The following FAM107B variants were observed in gnomAD, a reference collection of about 807,000 sequenced individuals.
FAM107B encodes the protein family with sequence similarity 107 member B.
Under a neutral mutation model 31.5 loss-of-function variants are expected in FAM107B, and 21 were observed. That is an observed-to-expected ratio of 0.67 (90% CI 0.47 to 0.96). The LOEUF (loss-of-function observed/expected upper bound fraction) is 0.96. Among genes scored for constraint, FAM107B ranks in the 40% least tolerant of loss-of-function variants. The probability of loss-of-function intolerance (pLI) is 0.00; values close to 1 mark genes in which losing one functional copy is unlikely to be tolerated. For missense variants in FAM107B, 452 were observed against 377.1 expected, an observed-to-expected ratio of 1.20 and a Z score of -1.64; for synonymous variants, 157 against 141.5, an observed-to-expected ratio of 1.11 and a Z score of -0.78.
At chr10:14,527,708 C>T (rs1484685424) in intron 3 of FAM107B, among the ~76,000 whole-genome samples, 1 of 152,168 alleles carries the variant, frequency 6.6e-6, no homozygotes, top group African/African-American at 2.4e-5. Flanking sequence ...TTATAAACTA[C>T]AGAAAAGCAA....
chr10:14,708,627 T>C (rs879555655), intron 1 of FAM107B, among the ~76,000 whole-genome samples: 20 of 152,042 alleles, frequency 1.3e-4, no homozygotes, highest in Non-Finnish European at 1.9e-4. Context: ...AAAAAAAAAT[T>C]GATAAGTTGG....
At chr10:14,640,935 G>A (rs1249798474) in intron 2 of FAM107B, among the ~76,000 whole-genome samples, 1 of 152,114 alleles carries the variant, frequency 6.6e-6, no homozygotes, top group Non-Finnish European at 1.5e-5. Context: ...TTTTAATCTA[G>A]ATTTAATTGT....
At chr10:14,772,445 G>A (rs764043605) in intron 1 of FAM107B, among the ~76,000 whole-genome samples, 1 of 151,770 alleles carries the variant, frequency 6.6e-6, no homozygotes, top group South Asian at 2.1e-4. Flanking sequence ...AAGGGCTAGC[G>A]AACTACAAGT....
In FAM107B at chr10:14,629,451, T is replaced by TATTTAATATATATAAC. The variant is rs1554842099; in HGVS notation, c.469+38182_469+38183insGTTATATATATTAAAT. 1.2e-3 allele frequency among the ~76,000 whole-genome samples: 96 copies of TATTTAATATATATAAC among 81,510 alleles called. 7 individuals are homozygous for TATTTAATATATATAAC. Among genetic ancestry groups the TATTTAATATATATAAC allele is most frequent in the South Asian group, 2.7e-3 (8 of 2,956 alleles). 53.5% of individuals were successfully genotyped at this position (81,510 alleles called of 152,430 possible). ...TAATATATATTATATATATATTATA[T>TATTTAATATATATAAC]ATATATTATATATATATTTAATATA... On this transcript the variant is annotated intron_variant, in intron 2 of 4. Coordinates refer to ENST00000181796, the MANE Select transcript of FAM107B (RefSeq NM_031453.4).
intron 1 of FAM107B, among the ~76,000 whole-genome samples, chr10:14,671,483 A>G (rs796663344): frequency 1.6e-4 from 24 of 152,132 alleles, no homozygotes; most frequent in African/African-American, 5.8e-4. Flanking sequence ...CCCTGATGCA[A>G]ATGGCACGAG....
At chr10:14,547,135 C>T (rs775727016) in intron 2 of FAM107B, among the ~76,000 whole-genome samples, 3 of 152,208 alleles carry the variant, frequency 2.0e-5, no homozygotes, top group African/African-American at 4.8e-5. Flanking sequence ...TCCCAGGGTT[C>T]TTCTGGGTAC....
At chr10:14,534,555 C>T (rs1847403071) in intron 2 of FAM107B, among the ~76,000 whole-genome samples, 1 of 152,160 alleles carries the variant, frequency 6.6e-6, no homozygotes, top group African/African-American at 2.4e-5. Context: ...GTTCTTGCTC[C>T]CCACATCCTC....
At chr10:14,725,114 T>C (rs1856000832) in intron 1 of FAM107B, among the ~76,000 whole-genome samples, 1 of 152,130 alleles carries the variant, frequency 6.6e-6, no homozygotes, top group African/African-American at 2.4e-5. Context: ...GGGTGGGGTT[T>C]TGTATTTGTA....
At chr10:14,630,525 CTA>C (rs749683966) in intron 2 of FAM107B, among the ~76,000 whole-genome samples, 2 of 151,584 alleles carry the variant, frequency 1.3e-5, no homozygotes, top group East Asian at 3.9e-4. Context: ...GTAGTCAGTT[CTA>C]TGTTTTTTAA....
At chr10:14,590,572 T>C (rs965108558) in intron 2 of FAM107B, among the ~76,000 whole-genome samples, 12 of 152,354 alleles carry the variant, frequency 7.9e-5, no homozygotes, top group Non-Finnish European at 1.3e-4. Flanking sequence ...ATTAAATTCA[T>C]TCGCTACGAT....
chr10:14,638,655 T>C (rs1853559056), intron 2 of FAM107B, among the ~76,000 whole-genome samples: 1 of 152,214 alleles, frequency 6.6e-6, no homozygotes, highest in Admixed American at 6.5e-5. Context: ...CATTTCCCAG[T>C]GCTCACCTTC....
intron 2 of FAM107B, among the ~76,000 whole-genome samples, chr10:14,627,200 A>C (rs1853187783): frequency 6.6e-6 from 1 of 152,256 alleles, no homozygotes; most frequent in African/African-American, 2.4e-5. Context: ...AAGATTAAAA[A>C]GGAAAATTTC....
intron 2 of FAM107B, among the ~76,000 whole-genome samples, chr10:14,632,166 C>T (rs1853371951): frequency 1.3e-5 from 2 of 151,746 alleles, no homozygotes; most frequent in South Asian, 4.2e-4. Context: ...GTCATGGTGG[C>T]GTGCACTTAT....
chr10:14,549,590 A>T (rs930330109), intron 2 of FAM107B, among the ~76,000 whole-genome samples: 5 of 152,202 alleles, frequency 3.3e-5, no homozygotes, highest in Admixed American at 2.6e-4. Flanking sequence ...CTGCACATTA[A>T]TTCAACTCCC....
intron 2 of FAM107B, among the ~76,000 whole-genome samples, chr10:14,566,868 G>A (rs983915746): frequency 6.6e-6 from 1 of 152,176 alleles, no homozygotes; most frequent in African/African-American, 2.4e-5. Context: ...CATCGGAGGT[G>A]GGGCCGGGCG....
At chr10:14,719,983 C>G (rs1272117024) in intron 1 of FAM107B, among the ~76,000 whole-genome samples, 1 of 141,968 alleles carries the variant, frequency 7.0e-6, no homozygotes, top group Non-Finnish European at 1.6e-5. Flanking sequence ...ACTGGGTACC[C>G]CACAGAGAAA....
intron 2 of FAM107B, among the ~76,000 whole-genome samples, chr10:14,624,565 G>A (rs1853104844): frequency 6.6e-6 from 1 of 151,852 alleles, no homozygotes; most frequent in South Asian, 2.1e-4. Flanking sequence ...GAACCCAGGA[G>A]TTTGAGGTTG....
intron 1 of FAM107B, among the ~76,000 whole-genome samples, chr10:14,756,635 C>T (rs1236567496): frequency 6.6e-6 from 1 of 152,266 alleles, no homozygotes. Flanking sequence ...GACAGAAATA[C>T]CATTTAACCC....
At chr10:14,574,894 C>T (rs1851415840) in intron 2 of FAM107B, among the ~76,000 whole-genome samples, 1 of 152,066 alleles carries the variant, frequency 6.6e-6, no homozygotes, top group African/African-American at 2.4e-5. Context: ...TGATTGAATC[C>T]AGGCCTGTTT....
Sources: allele counts gnomAD v4.1 joint callset (sites outside exome capture counted in the v4.1 genomes callset), GRCh38; gene constraint gnomAD v4.1.1; transcripts MANE v1.5; gene names NCBI Gene and HGNC (gene_info 2026-07-23, HGNC 2026-07-21).